The following PPP6R2 variants were observed in gnomAD, a reference collection of about 807,000 sequenced individuals.
PPP6R2 encodes the protein serine/threonine-protein phosphatase 6 regulatory subunit 2.
Under a neutral mutation model 100.2 loss-of-function variants are expected in PPP6R2, and 62 were observed. That is an observed-to-expected ratio of 0.62 (90% CI 0.50 to 0.76). The LOEUF (loss-of-function observed/expected upper bound fraction) is 0.76, where lower values mean the gene tolerates loss of function less well. Among genes scored for constraint, PPP6R2 ranks in the 30% least tolerant of loss-of-function variants. The pLI is 0.00. For synonymous variants in PPP6R2, 525 were observed against 514.7 expected (o/e 1.02, Z -0.27); for missense variants, 1,142 against 1,276.3 (o/e 0.89, Z 1.60).
chr22:50,440,338 C>A (rs1312845171), intron 21 of PPP6R2, among the ~76,000 whole-genome samples: 1 of 152,226 alleles, frequency 6.6e-6, no homozygotes, highest in Non-Finnish European at 1.5e-5. Flanking sequence ...CACTGGGACC[C>A]CAGCATTGAG....
In PPP6R2 at chr22:50,434,974, G is replaced by A; in HGVS notation, c.1409G>A (p.Gly470Asp). The A allele has an allele frequency of 1.9e-6, 3 of 1,604,288 alleles. No homozygotes were observed. Among genetic ancestry groups the A allele is most frequent in the Non-Finnish European group, 2.5e-6 (3 of 1,177,160 alleles). The change falls in exon 13 of 24, where the codon GGT becomes GAT. Residue 470 changes from glycine (G) to aspartate (D), a missense_variant. By Grantham distance (94) the Gly-to-Asp change is moderately conservative. Coordinates refer to ENST00000612753, the MANE Select transcript of PPP6R2 (RefSeq NM_001242898.2). ...WEANDHTQAA[G>D]GMRRGNMGHL... ...GTGCCTGTTGCTTTCAGGGCAGCGG[G>A]TGGCATGAGACGTGGGAACATGGGC...
chr22:50,391,614 A>AGTCTG (rs2055571956), intron 2 of PPP6R2, among the ~76,000 whole-genome samples: 2 of 152,022 alleles, frequency 1.3e-5, no homozygotes, highest in East Asian at 3.9e-4. Context: ...AATAAAATCC[A>AGTCTG]GTCTGACAAT....
intron 8 of PPP6R2, among the ~76,000 whole-genome samples, chr22:50,420,597 A>G (rs2061197433): frequency 1.3e-5 from 2 of 152,218 alleles, no homozygotes; most frequent in African/African-American, 2.4e-5. Flanking sequence ...AAGTCATAGA[A>G]GGCTGGGCAC....
At chr22:50,347,082 C>A (rs1347717297) in intron 1 of PPP6R2, among the ~76,000 whole-genome samples, 1 of 152,074 alleles carries the variant, frequency 6.6e-6, no homozygotes, top group Non-Finnish European at 1.5e-5. Context: ...ATAAGTGTCT[C>A]CCTCATCCTG....
upstream of PPP6R2, among the ~76,000 whole-genome samples, chr22:50,338,569 GTT>G (rs375319451): frequency 0.44 from 58,819 of 134,238 alleles, 14,199 homozygotes; most frequent in African/African-American, 0.67. Flanking sequence ...TAGTGTGTGT[GTT>G]TGGTGTGGTG....
Position 50,437,915 on chromosome 22 carries a change from C to G in PPP6R2, c.1839+15C>G, listed in dbSNP as rs1276420617. 4 of 1,559,738 alleles carry G rather than the reference C, an allele frequency of 2.6e-6. No individual in the cohort carries two copies. The highest frequency in any genetic ancestry group is 1.7e-6 in the Non-Finnish European group (2 of 1,152,068). On this transcript the variant is annotated intron_variant, in intron 17 of 23. Transcript: ENST00000612753. ...ACGAGGACAGTGTGAGCAAGCCGGG[C>G]TGTGTGGGGTGCCGCCACCCTTTTC... is the stretch of plus-strand genomic sequence containing the variant.
chr22:50,360,518 A>G (rs796515056), intron 1 of PPP6R2, among the ~76,000 whole-genome samples: 1 of 151,932 alleles, frequency 6.6e-6, no homozygotes, highest in African/African-American at 2.4e-5. Flanking sequence ...ACATGCCACC[A>G]CACCTGGCTA....
intron 3 of PPP6R2, among the ~76,000 whole-genome samples, chr22:50,394,701 T>C (rs1039441688): frequency 2.0e-5 from 3 of 150,774 alleles, no homozygotes. Context: ...GGTCAGGAGA[T>C]TGAGACCATC....
intron 3 of PPP6R2, among the ~76,000 whole-genome samples, chr22:50,397,576 C>CCG (rs370762033): frequency 2.3e-5 from 2 of 86,810 alleles, no homozygotes; most frequent in Non-Finnish European, 5.2e-5. Context: ...GCCCTGTCAT[C>CCG]TCTGAGTTTT....
At chr22:50,415,273 A>C (rs2060372908) in intron 5 of PPP6R2, among the ~76,000 whole-genome samples, 1 of 152,226 alleles carries the variant, frequency 6.6e-6, no homozygotes, top group African/African-American at 2.4e-5. Context: ...TTTAAAATAG[A>C]GTAGAGTAAA....
Position 50,394,139 on chromosome 22 carries a change from T to C in PPP6R2, c.227+4T>C, listed in dbSNP as rs752313449. 3.7e-6 allele frequency: 6 copies of C among 1,613,518 alleles called. No individual in the cohort carries two copies. The African/African-American group carries it at 6.7e-5, about 18-fold the overall frequency. On this transcript the variant is annotated splice_donor_region_variant and intron_variant, in intron 3 of 23. Transcript: ENST00000612753. ...TGGAGGAGAAGGTCCGCTTCAAGTA[T>C]GTACCAAAGCTGTGACGGGCCAGTA... is the stretch of plus-strand genomic sequence containing the variant.
the PPP6R2 span, among the ~76,000 whole-genome samples, chr22:50,336,542 A>C: frequency 2.0e-5 from 3 of 151,698 alleles, no homozygotes; most frequent in Non-Finnish European, 4.4e-5. Flanking sequence ...TGCCCAGCTA[A>C]TTTTTGTGTT....
chr22:50,434,867 C>A, intron 12 of PPP6R2, 99 bp from the exon 13 acceptor site: 1 of 1,061,188 alleles, frequency 9.4e-7, no homozygotes, highest in Non-Finnish European at 1.3e-6. Context: ...ACTTGCTCTC[C>A]GAAGTGAACC....
chr22:50,346,883 C>A (rs2043893107), intron 1 of PPP6R2, among the ~76,000 whole-genome samples: 2 of 150,400 alleles, frequency 1.3e-5, no homozygotes, highest in African/African-American at 4.9e-5. Context: ...AGTGCCTGCA[C>A]CCCCACCCGT....
At position 50,441,773 on chromosome 22, in the gene PPP6R2, C is replaced by T. The variant is rs115875632; in HGVS notation, c.2579+747C>T. ...AGCTGAACCCCATCCGTCCCCAGGGCCACAGGAAGGTCCCTGGGATCCTTC... is the reference window on the plus strand; with the variant it reads ...AGCTGAACCCCATCCGTCCCCAGGGTCACAGGAAGGTCCCTGGGATCCTTC... On this transcript the variant is annotated intron_variant, in intron 22 of 23. Transcript: ENST00000612753. 9.1e-3 allele frequency among the ~76,000 whole-genome samples: 1,390 copies of T among 152,222 alleles called. 28 individuals are homozygous for T. Among genetic ancestry groups the T allele is most frequent in the African/African-American group, 0.032 (1,323 of 41,534 alleles).
chr22:50,370,608 A>G (rs1421188493), intron 1 of PPP6R2, among the ~76,000 whole-genome samples: 1 of 151,178 alleles, frequency 6.6e-6, no homozygotes, highest in African/African-American at 2.4e-5. Context: ...TAAAGAAAAA[A>G]GTTTAAAAGT....
chr22:50,404,444 G>A (rs1260664001), intron 3 of PPP6R2, among the ~76,000 whole-genome samples: 1 of 151,886 alleles, frequency 6.6e-6, no homozygotes, highest in Non-Finnish European at 1.5e-5. Flanking sequence ...AGGCTGGAGT[G>A]CAGTGGTGTG....
chr22:50,441,362 A>G (rs1348569614), intron 22 of PPP6R2, among the ~76,000 whole-genome samples: 1 of 152,188 alleles, frequency 6.6e-6, no homozygotes, highest in Non-Finnish European at 1.5e-5. Context: ...CCCAGATCCC[A>G]GTTGGAGAGA....
chr22:50,412,565 T>C (rs1029456192), intron 4 of PPP6R2, among the ~76,000 whole-genome samples: 11 of 151,880 alleles, frequency 7.2e-5, no homozygotes, highest in African/African-American at 2.4e-4. Context: ...TAATTATAGA[T>C]TTTGTGGAGT....
Sources: allele counts gnomAD v4.1 joint callset (sites outside exome capture counted in the v4.1 genomes callset), GRCh38; gene constraint gnomAD v4.1.1; transcripts MANE v1.5; gene names NCBI Gene and HGNC (gene_info 2026-07-23, HGNC 2026-07-21).